The following HEPH variants were observed in gnomAD, a reference collection of about 807,000 sequenced individuals.
The protein encoded by HEPH is hephaestin.
In HEPH, 69 loss-of-function variants were observed where a neutral mutation model predicts 80.8. The observed-to-expected ratio is 0.85, with a 90% CI of 0.70 to 1.04. HEPH has a LOEUF of 1.04. Ranked by LOEUF, HEPH falls within the 50% of genes least tolerant of loss-of-function variation. The pLI is 0.00. For missense variants in HEPH, 1,115 were observed against 891.3 expected, an observed-to-expected ratio of 1.25 and a Z score of -3.20; for synonymous variants, 431 against 322.8, an observed-to-expected ratio of 1.34 and a Z score of -3.60.
chrX:66,213,465 C>T (rs2089243048), intron 15 of HEPH, among the ~76,000 whole-genome samples: 1 of 111,776 alleles, frequency 8.9e-6, no homozygotes, highest in African/African-American at 3.3e-5. Context: ...CCATGGAATA[C>T]TATGCAGCCA....
chrX:66,214,420 T>C (rs1378034132), intron 15 of HEPH, among the ~76,000 whole-genome samples: 1 of 112,023 alleles, frequency 8.9e-6, no homozygotes, highest in Admixed American at 9.5e-5. Context: ...GTTTTAAACA[T>C]GGCAGATATC....
chrX:66,175,529 T>C (rs956955772), intron 4 of HEPH, among the ~76,000 whole-genome samples: 1 of 111,864 alleles, frequency 8.9e-6, no homozygotes, highest in Non-Finnish European at 1.9e-5. Flanking sequence ...AATTGTTTTT[T>C]CCAATTCTGT....
intron 16 of HEPH, 31 bp from the exon 17 acceptor site, chrX:66,256,074 T>C (rs1176602033): frequency 8.9e-7 from 1 of 1,129,347 alleles, no homozygotes; most frequent in South Asian, 1.9e-5. Flanking sequence ...CTCCATCTCT[T>C]TCTCTCTCTC....
Position 66,200,608 on chromosome X carries a change from C to G in HEPH, c.1933C>G (p.His645Asp). 5 of 1,210,198 alleles carry G rather than the reference C, an allele frequency of 4.1e-6. No individual in the cohort carries two copies. Among genetic ancestry groups the G allele is most frequent in the Non-Finnish European group, 5.6e-6 (5 of 894,669 alleles). The change falls in exon 12 of 21, where the codon CAC (histidine) becomes GAC (aspartate). Residue 645 changes from histidine (H) to aspartate (D), a missense_variant. By Grantham distance (81) the His-to-Asp change is moderately conservative (BLOSUM62 -1). Around this residue, in one of 3 missense-constraint regions of HEPH, gnomAD observed 716 missense variants for 523.5 expected, o/e 1.37. Transcript: ENST00000343002. Reference protein sequence around the residue: ...DMCKGDTVAWHLLGLGTETDV... With the variant: ...DMCKGDTVAWDLLGLGTETDV... Reference sequence around the variant, plus strand: ...GTGCAAGGGTGACACAGTGGCCTGGCACCTGCTCGGCCTGGGCACAGAGAC... The same window carrying G: ...GTGCAAGGGTGACACAGTGGCCTGGGACCTGCTCGGCCTGGGCACAGAGAC...
Position 66,255,081 on chromosome X carries a change from T to G in HEPH, c.2610T>G (p.Pro870=). ...YQWNIPERSG[P]GPNDSACVSW... ...GGAACATCCCAGAGAGGTCTGGCCC[T>G]GGGCCCAATGACTCTGCTTGTGTTT... The change falls in exon 16 of 21, where the codon CCT becomes CCG. Residue 870 remains proline (P), a synonymous_variant. Coordinates refer to ENST00000343002, the MANE Select transcript of HEPH (RefSeq NM_001367233.3). 2.5e-6 allele frequency: 3 copies of G among 1,208,598 alleles called. No individual in the cohort carries two copies. Among genetic ancestry groups the G allele is most frequent in the Non-Finnish European group, 3.4e-6 (3 of 893,535 alleles).
At chrX:66,243,944 C>T (rs1053239945) in intron 15 of HEPH, among the ~76,000 whole-genome samples, 29 of 111,775 alleles carry the variant, frequency 2.6e-4, no homozygotes, top group Non-Finnish European at 4.9e-4. Flanking sequence ...CTTAGTTTCA[C>T]TGGTTATGAA....
At chrX:66,170,302 C>A in intron 1 of HEPH, 1 of 274,071 alleles carries the variant, frequency 3.6e-6, no homozygotes, top group Admixed American at 5.2e-5. Context: ...AAAACTGGAT[C>A]CAGATCTCTC....
At chrX:66,220,998 A>C (rs1473869103) in intron 15 of HEPH, among the ~76,000 whole-genome samples, 1 of 111,790 alleles carries the variant, frequency 8.9e-6, no homozygotes, top group African/African-American at 3.3e-5. Flanking sequence ...TGATGTATAC[A>C]CTGGGAACAG....
At chrX:66,218,851 CAT>C (rs57577543) in intron 15 of HEPH, among the ~76,000 whole-genome samples, 30,799 of 110,979 alleles carry the variant, frequency 0.28, 3,789 homozygotes, top group African/African-American at 0.47. Flanking sequence ...CTATAGATAA[CAT>C]AACTGATTAG....
chrX:66,178,399 A>G (rs1022854426), intron 4 of HEPH, among the ~76,000 whole-genome samples: 1 of 112,616 alleles, frequency 8.9e-6, no homozygotes, highest in Non-Finnish European at 1.9e-5. Context: ...ATGCCGCAAT[A>G]AACATGCGTG....
chrX:66,203,284 G>T (rs778548225), intron 12 of HEPH, 80 bp from the exon 13 acceptor site: 2 of 838,711 alleles, frequency 2.4e-6, no homozygotes, highest in Non-Finnish European at 3.5e-6. Context: ...TCTGCAGTAT[G>T]CCTAGGGAAA....
chrX:66,202,695 C>G (rs1175558319), intron 12 of HEPH, among the ~76,000 whole-genome samples: 1 of 110,145 alleles, frequency 9.1e-6, no homozygotes, highest in Non-Finnish European at 1.9e-5. Flanking sequence ...GGAGACAACT[C>G]ATCAATGTTT....
At chrX:66,254,967 G>T in intron 15 of HEPH, 68 bp from the exon 16 acceptor site, 5 of 649,665 alleles carry the variant, frequency 7.7e-6, no homozygotes, top group Non-Finnish European at 1.2e-5. Context: ...ACTGCCTCTT[G>T]GGGAGACCTG....
At chrX:66,259,023 A>C in intron 18 of HEPH, 44 bp downstream of exon 18, 1 of 1,156,611 alleles carries the variant, frequency 8.6e-7, no homozygotes, top group Non-Finnish European at 1.2e-6. Context: ...TGATTAGAAC[A>C]GTGGTTTAAC....
chrX:66,223,260 C>T (rs1206485992), intron 15 of HEPH, among the ~76,000 whole-genome samples: 4 of 111,573 alleles, frequency 3.6e-5, no homozygotes, highest in Admixed American at 2.8e-4. Context: ...AAGAAATTGA[C>T]TTTTTGTTTT....
At chrX:66,170,424 A>G in intron 1 of HEPH, 134 bp from the exon 2 acceptor site, 1 of 470,266 alleles carries the variant, frequency 2.1e-6, no homozygotes, top group South Asian at 4.4e-5. Context: ...GGTAAGTTAA[A>G]GAAACTGGGC....
chrX:66,242,859 C>A (rs746384897), intron 15 of HEPH, among the ~76,000 whole-genome samples: 1 of 111,528 alleles, frequency 9.0e-6, no homozygotes, highest in Non-Finnish European at 1.9e-5. Flanking sequence ...TAGTCAAAAA[C>A]CAACAAATGC....
intron 15 of HEPH, among the ~76,000 whole-genome samples, chrX:66,229,658 A>G (rs1346177206): frequency 8.9e-6 from 1 of 112,290 alleles, no homozygotes; most frequent in Admixed American, 9.4e-5. Context: ...CAAGATGTTT[A>G]TACCAGATAT....
Position 66,241,560 on chromosome X carries a change from C to A in HEPH, c.2564-13475C>A, listed in dbSNP as rs1053640261. The stretch of plus-strand genomic sequence containing the variant: ...GGTTTAATTCAACAGGAAGACATAA[C>A]TATCCTAAACATAAATGCGTTCAAC... On this transcript the variant is annotated intron_variant, in intron 15 of 20. Coordinates refer to ENST00000343002, the MANE Select transcript of HEPH (RefSeq NM_001367233.3). Among the ~76,000 whole-genome samples the A allele has an allele frequency of 2.5e-4, 28 of 111,718 alleles. 1 individual carries two copies. The highest frequency in any genetic ancestry group is 1.1e-4 in the Non-Finnish European group (6 of 53,106).
Sources: gnomAD v4.1 joint callset for allele counts (sites outside exome capture counted in the v4.1 genomes callset) on GRCh38, gnomAD v4.1.1 for gene constraint, gnomAD v4.1.1 regional missense constraint, MANE v1.5 for transcripts, NCBI Gene and HGNC (gene_info 2026-07-23, HGNC 2026-07-21) for gene names.